The following PTPRD variants were observed in gnomAD, a reference collection of about 807,000 sequenced individuals.
PTPRD encodes the protein receptor-type tyrosine-protein phosphatase delta.
PTPRD carries 34 observed loss-of-function variants against 214.5 expected under a neutral mutation model. That is an observed-to-expected ratio of 0.16 (90% CI 0.12 to 0.21). The LOEUF (loss-of-function observed/expected upper bound fraction) is 0.21. Ranked by LOEUF, PTPRD falls within the 10% of genes least tolerant of loss-of-function variation. PTPRD has a pLI of 1.00. For missense variants in PTPRD, 2,545 were observed against 2,398.7 expected (o/e 1.06, Z -1.27); for synonymous variants, 1,128 against 845.7 (o/e 1.33, Z -5.79).
intron 2 of PTPRD, among the ~76,000 whole-genome samples, chr9:10,456,405 A>G (rs2098917683): frequency 6.6e-6 from 1 of 151,896 alleles, no homozygotes; most frequent in Admixed American, 6.6e-5. Flanking sequence ...GCACTATTAG[A>G]GGTGGAAACA....
At chr9:8,880,356 C>A (rs1050482867) in intron 11 of PTPRD, among the ~76,000 whole-genome samples, 3 of 152,184 alleles carry the variant, frequency 2.0e-5, no homozygotes, top group African/African-American at 7.2e-5. Context: ...AGGTCTGGCG[C>A]ATCCTCCCTT....
At chr9:8,920,784 G>C (rs1305448681) in intron 11 of PTPRD, among the ~76,000 whole-genome samples, 4 of 151,880 alleles carry the variant, frequency 2.6e-5, no homozygotes, top group Admixed American at 2.0e-4. Flanking sequence ...TTATTCCTAA[G>C]AAGCTTCTCC....
intron 26 of PTPRD, among the ~76,000 whole-genome samples, chr9:8,494,370 G>C (rs771484423): frequency 3.6e-4 from 55 of 152,134 alleles, no homozygotes; most frequent in Admixed American, 9.8e-4. Flanking sequence ...CCAGATAAAT[G>C]GACTATTTGG....
At chr9:10,421,928 A>G (rs1462223830) in intron 2 of PTPRD, among the ~76,000 whole-genome samples, 3 of 151,986 alleles carry the variant, frequency 2.0e-5, no homozygotes, top group African/African-American at 7.2e-5. Context: ...GTAGATCCAG[A>G]TATGAAATTA....
intron 7 of PTPRD, among the ~76,000 whole-genome samples, chr9:9,679,627 T>G (rs552546671): frequency 4.6e-5 from 7 of 151,990 alleles, no homozygotes; most frequent in Admixed American, 4.6e-4. Context: ...TATGAAGTAG[T>G]CATTAAACAA....
intron 4 of PTPRD, among the ~76,000 whole-genome samples, chr9:9,977,965 G>T (rs189640723): frequency 1.5e-4 from 23 of 151,428 alleles, no homozygotes; most frequent in Admixed American, 1.3e-3. Context: ...CTTTCATCTA[G>T]CACATGGAAA....
intron 7 of PTPRD, among the ~76,000 whole-genome samples, chr9:9,687,322 A>G (rs1451675103): frequency 1.3e-5 from 2 of 151,806 alleles, no homozygotes. Flanking sequence ...GGTGGGAGAA[A>G]TATCTTGCTT....
chr9:9,573,923 A>G (rs1459106949), intron 8 of PTPRD, among the ~76,000 whole-genome samples: 1 of 151,832 alleles, frequency 6.6e-6, no homozygotes, highest in Admixed American at 6.6e-5. Flanking sequence ...CCCAAATAGG[A>G]GTTTTAATCA....
intron 11 of PTPRD, among the ~76,000 whole-genome samples, chr9:8,893,096 G>A (rs1205667298): frequency 6.6e-6 from 1 of 152,076 alleles, no homozygotes; most frequent in Non-Finnish European, 1.5e-5. Context: ...CATTTAATTA[G>A]GATGCTGAGT....
intron 32 of PTPRD, among the ~76,000 whole-genome samples, chr9:8,464,421 C>T (rs1208453514): frequency 6.6e-6 from 1 of 151,958 alleles, no homozygotes. Context: ...AAATGACATT[C>T]TGAGCACAAA....
At chr9:9,618,995 G>A (rs1432701898) in intron 7 of PTPRD, among the ~76,000 whole-genome samples, 7 of 152,200 alleles carry the variant, frequency 4.6e-5, no homozygotes, top group Non-Finnish European at 8.8e-5. Flanking sequence ...AAAGCAAGAA[G>A]AATGTTTCTG....
At chr9:10,000,060 C>T (rs1244815863) in intron 4 of PTPRD, among the ~76,000 whole-genome samples, 1 of 152,138 alleles carries the variant, frequency 6.6e-6, no homozygotes, top group East Asian at 1.9e-4. Context: ...TATTTAGCCA[C>T]CGAATAATGT....
intron 8 of PTPRD, among the ~76,000 whole-genome samples, chr9:9,515,655 T>C (rs556440441): frequency 2.0e-5 from 3 of 152,056 alleles, no homozygotes; most frequent in African/African-American, 7.2e-5. Flanking sequence ...AAGGTAATTA[T>C]AAATTTTGAA....
At chr9:8,671,753 C>G (rs1287593521) in intron 12 of PTPRD, among the ~76,000 whole-genome samples, 1 of 152,172 alleles carries the variant, frequency 6.6e-6, no homozygotes, top group Admixed American at 6.5e-5. Flanking sequence ...GCATCAAAAG[C>G]TGCAACTTAC....
At chr9:10,436,986 A>C (rs1691591958) in intron 2 of PTPRD, among the ~76,000 whole-genome samples, 1 of 151,818 alleles carries the variant, frequency 6.6e-6, no homozygotes, top group Admixed American at 6.6e-5. Context: ...GGCTGAGCTT[A>C]ACTGGGTAGT....
chr9:8,568,692 G>A (rs991823009), intron 14 of PTPRD, among the ~76,000 whole-genome samples: 3 of 152,092 alleles, frequency 2.0e-5, no homozygotes, highest in African/African-American at 7.2e-5. Flanking sequence ...AAATTCTACT[G>A]ATTTTTGAAT....
intron 11 of PTPRD, among the ~76,000 whole-genome samples, chr9:8,989,995 T>C (rs910331574): frequency 2.6e-5 from 4 of 152,166 alleles, no homozygotes; most frequent in African/African-American, 9.6e-5. Flanking sequence ...AAATGAACTA[T>C]CATAAAACCA....
At chr9:10,313,618 G>A (rs986991761) in intron 3 of PTPRD, among the ~76,000 whole-genome samples, 1 of 152,000 alleles carries the variant, frequency 6.6e-6, no homozygotes, top group African/African-American at 2.4e-5. Context: ...GTGGCTCCCA[G>A]GTTGGAATCT....
Position 8,317,672 on chromosome 9 carries a change from T to G in PTPRD, c.*202A>C. On this transcript the variant is annotated 3_prime_UTR_variant, in exon 46 of 46. Coordinates refer to ENST00000381196, the MANE Select transcript of PTPRD (RefSeq NM_002839.4). ...TCATCAGTCAGGATTCTCTTCATTA[T>G]TTTTCAGGTTAGATTATTAAACTGT... 2.3e-6 allele frequency: 1 copy of G among 436,094 alleles called. No individual in the cohort carries two copies. The highest frequency in any genetic ancestry group is 3.4e-5 in the Admixed American group (1 of 29,128). 27.0% of individuals were successfully genotyped at this position (436,094 alleles called of 1,614,324 possible).
Sources: allele counts gnomAD v4.1 joint callset (sites outside exome capture counted in the v4.1 genomes callset), GRCh38; gene constraint gnomAD v4.1.1; transcripts MANE v1.5; gene names NCBI Gene and HGNC (gene_info 2026-07-23, HGNC 2026-07-21).